Variants in MEI4 observed in about 807,000 individuals in gnomAD.
MEI4 encodes the protein meiosis-specific protein MEI4.
MEI4 carries 27 observed loss-of-function variants against 31.4 expected under a neutral mutation model. The observed-to-expected ratio is 0.86, with a 90% CI of 0.63 to 1.19. The LOEUF is 1.19. Ranked by LOEUF, MEI4 falls within the 50% of genes most tolerant of loss-of-function variation. The pLI, the probability that MEI4 is intolerant of heterozygous loss-of-function variation, is 0.00. For synonymous variants in MEI4, 122 were observed against 145.4 expected (o/e 0.84, Z 1.16); for missense variants, 329 against 398.9 (o/e 0.82, Z 1.49).
intron 4 of MEI4, among the ~76,000 whole-genome samples, chr6:77,900,417 A>T (rs1766164261): frequency 6.6e-6 from 1 of 152,048 alleles, no homozygotes; most frequent in Admixed American, 6.6e-5. Context: ...ATGAATGTGT[A>T]TTGAGGATCT....
chr6:77,756,529 A>G (rs2127680441), intron 2 of MEI4, among the ~76,000 whole-genome samples: 1 of 149,834 alleles, frequency 6.7e-6, no homozygotes, highest in African/African-American at 2.4e-5. Flanking sequence ...AAAAAAGCAT[A>G]TTATTGGCTT....
Position 77,703,596 on chromosome 6 carries a change from A to G in MEI4, c.232+12693A>G, listed in dbSNP as rs1766268696. On this transcript the variant is annotated intron_variant, in intron 2 of 4. Coordinates refer to ENST00000684080, the MANE Select transcript of MEI4 (RefSeq NM_001322247.2). ...GTTTTATTTGTCTTTTAAGTGTCCT[A>G]TTTATCTGTTTTTGATAAGTTTCTA... is the stretch of plus-strand genomic sequence containing the variant. 2.0e-5 allele frequency among the ~76,000 whole-genome samples: 3 copies of G among 152,180 alleles called. No individual in the cohort carries two copies. The South Asian group carries it at 6.2e-4, about 32-fold the overall frequency.
intron 2 of MEI4, among the ~76,000 whole-genome samples, chr6:77,706,924 G>A (rs1766345665): frequency 6.6e-6 from 1 of 152,062 alleles, no homozygotes; most frequent in African/African-American, 2.4e-5. Context: ...ACTTTATAAA[G>A]TTCACAGTCT....
At chr6:77,750,058 C>G (rs944173779) in intron 2 of MEI4, among the ~76,000 whole-genome samples, 4 of 152,200 alleles carry the variant, frequency 2.6e-5, no homozygotes, top group African/African-American at 4.8e-5. Context: ...TCTTTACAGA[C>G]AAGCAAATGC....
At chr6:77,775,713 A>C (rs1768421643) in intron 3 of MEI4, among the ~76,000 whole-genome samples, 1 of 152,134 alleles carries the variant, frequency 6.6e-6, no homozygotes, top group South Asian at 2.1e-4. Flanking sequence ...GTAGTTAACC[A>C]GTAGTAGGAT....
chr6:77,727,531 T>G (rs1766859269), intron 2 of MEI4, among the ~76,000 whole-genome samples: 1 of 152,236 alleles, frequency 6.6e-6, no homozygotes, highest in East Asian at 1.9e-4. Context: ...ATATTTCATG[T>G]AATACTAGCA....
At position 77,761,507 on chromosome 6, in the gene MEI4, C is replaced by T. The variant is rs747841563; in HGVS notation, c.610C>T (p.Pro204Ser). 15 of 1,232,002 alleles carry T rather than the reference C, an allele frequency of 1.2e-5. No individual in the cohort carries two copies. The highest frequency in any genetic ancestry group is 2.0e-6 in the Non-Finnish European group (2 of 987,924). 76.3% of individuals were successfully genotyped at this position (1,232,002 alleles called of 1,614,324 possible). Residue 204 changes from proline (P) to serine (S), a missense_variant, in exon 3 of 5, where the codon CCT becomes TCT. Physicochemically the swap from Pro to Ser is moderately conservative, Grantham distance 74. Coordinates refer to ENST00000684080, the MANE Select transcript of MEI4 (RefSeq NM_001322247.2). Reference protein sequence around the residue: ...LITFYRNPKLPFSRFWTEAVG... With the variant: ...LITFYRNPKLSFSRFWTEAVG... ...CACTTTTTACCGTAATCCCAAACTT[C>T]CTTTTTCAAGATTTTGGACAGAAGC... is the stretch of plus-strand genomic sequence containing the variant.
chr6:77,704,509 T>G (rs968814476), intron 2 of MEI4, among the ~76,000 whole-genome samples: 1 of 152,208 alleles, frequency 6.6e-6, no homozygotes, highest in African/African-American at 2.4e-5. Context: ...AGGTGGTTCC[T>G]TAGATCAGTG....
At chr6:77,710,243 G>C (rs758794715) in intron 2 of MEI4, among the ~76,000 whole-genome samples, 1 of 152,102 alleles carries the variant, frequency 6.6e-6, no homozygotes, top group Non-Finnish European at 1.5e-5. Flanking sequence ...GCTTCCATAG[G>C]TATGAAAAAT....
At chr6:77,661,051 G>C (rs1768496588) in intron 1 of MEI4, among the ~76,000 whole-genome samples, 1 of 152,148 alleles carries the variant, frequency 6.6e-6, no homozygotes, top group Admixed American at 6.5e-5. Context: ...TGAGGTTGGG[G>C]CCAAGCAAGA....
chr6:77,749,232 C>A (rs1363440917), intron 2 of MEI4, among the ~76,000 whole-genome samples: 1 of 152,136 alleles, frequency 6.6e-6, no homozygotes, highest in Non-Finnish European at 1.5e-5. Context: ...GATCACAACT[C>A]CTCAACAGCA....
At chr6:77,751,961 C>A (rs1418227531) in intron 2 of MEI4, among the ~76,000 whole-genome samples, 1 of 152,108 alleles carries the variant, frequency 6.6e-6, no homozygotes, top group Non-Finnish European at 1.5e-5. Flanking sequence ...AAGGCTAGTT[C>A]AACATACACA....
intron 3 of MEI4, among the ~76,000 whole-genome samples, chr6:77,774,922 G>A (rs948046278): frequency 6.6e-6 from 1 of 151,988 alleles, no homozygotes; most frequent in Non-Finnish European, 1.5e-5. Context: ...AAATAACAGT[G>A]TATACAGGGC....
At chr6:77,706,789 C>T (rs890903538) in intron 2 of MEI4, among the ~76,000 whole-genome samples, 4 of 152,144 alleles carry the variant, frequency 2.6e-5, no homozygotes, top group African/African-American at 9.7e-5. Context: ...CTTCCTGACT[C>T]ACCATGTGAT....
At position 77,847,105 on chromosome 6, in the gene MEI4, T is replaced by G. The variant is rs1426974163; in HGVS notation, c.900+18043T>G. ...GTTGAAAGGAGTGAGGGAATATTGTTTTTTTTTGGTGAGTTAATGAAAAAT... is the reference window on the plus strand; with the variant it reads ...GTTGAAAGGAGTGAGGGAATATTGTGTTTTTTTGGTGAGTTAATGAAAAAT... On this transcript the variant is annotated intron_variant, in intron 4 of 4. Transcript: ENST00000684080. The surrounding 1 kb of genome is among the most constrained non-coding windows in gnomAD (Gnocchi z 4.6). 1.9e-5 allele frequency among the ~76,000 whole-genome samples: 2 copies of G among 107,668 alleles called. No homozygotes were observed. Among genetic ancestry groups the G allele is most frequent in the African/African-American group, 3.4e-5 (1 of 29,120 alleles). 70.6% of individuals were successfully genotyped at this position (107,668 alleles called of 152,430 possible). A position where few individuals can be genotyped will look rare whatever the true frequency, so the allele number is the denominator to read the frequency against.
chr6:77,844,703 G>C (rs1770439754), intron 4 of MEI4, among the ~76,000 whole-genome samples: 1 of 152,060 alleles, frequency 6.6e-6, no homozygotes, highest in African/African-American at 2.4e-5. Flanking sequence ...ATTTATAACA[G>C]TGACTGGCCT....
intron 4 of MEI4, among the ~76,000 whole-genome samples, chr6:77,853,818 C>T (rs1037155068): frequency 5.3e-5 from 8 of 152,066 alleles, no homozygotes; most frequent in Admixed American, 2.0e-4. Flanking sequence ...TAAAAAATAA[C>T]GTTAGAGATC....
At chr6:77,665,137 T>C (rs886455543) in intron 1 of MEI4, among the ~76,000 whole-genome samples, 3 of 146,472 alleles carry the variant, frequency 2.0e-5, no homozygotes, top group African/African-American at 7.7e-5. Flanking sequence ...GGTCGGGGCA[T>C]GGAAATAAGG....
chr6:77,761,004 CT>C, intron 2 of MEI4, 125 bp from the exon 3 acceptor site: 1 of 632,182 alleles, frequency 1.6e-6, no homozygotes, highest in Non-Finnish European at 2.3e-6. Context: ...TACACTACTG[CT>C]TGTTAAATGC....
Sources: allele counts gnomAD v4.1 joint callset (sites outside exome capture counted in the v4.1 genomes callset), GRCh38; gene constraint gnomAD v4.1.1; non-coding constraint Gnocchi (gnomAD v3.1); transcripts MANE v1.5; gene names NCBI Gene and HGNC (gene_info 2026-07-23, HGNC 2026-07-21).